Variants in CDK8 observed in about 807,000 individuals in gnomAD.
CDK8 encodes cyclin-dependent kinase 8.
A neutral mutation model predicts 71.5 loss-of-function variants in CDK8; 29 were observed. The observed-to-expected ratio is 0.41, with a 90% CI of 0.30 to 0.55. The LOEUF is 0.55. Ranked by LOEUF, CDK8 falls within the 20% of genes least tolerant of loss-of-function variation. The probability of loss-of-function intolerance (pLI) is 0.37; values close to 1 mark genes in which losing one functional copy is unlikely to be tolerated. For missense variants in CDK8, 288 were observed against 572.6 expected (o/e 0.50, Z 5.07); for synonymous variants, 161 against 192.1 (o/e 0.84, Z 1.34).
rs139059823 is a variant in CDK8, at chr13:26,389,157, T to A, written c.646+3815T>A. Reference sequence around the variant, plus strand: ...CTTTGATCTCTCTAAATTCAAAAGTTCTGTGCTTTTATTTATTTATTTAGA... The same window carrying A: ...CTTTGATCTCTCTAAATTCAAAAGTACTGTGCTTTTATTTATTTATTTAGA... On this transcript the variant is annotated intron_variant, in intron 6 of 12. Transcript: ENST00000381527. Among the ~76,000 whole-genome samples the A allele has an allele frequency of 4.0e-3, 616 of 152,230 alleles. 5 individuals carry two copies. The highest frequency in any genetic ancestry group is 0.014 in the African/African-American group (565 of 41,550).
intron 4 of CDK8, among the ~76,000 whole-genome samples, chr13:26,363,342 G>C (rs375179925): frequency 5.9e-5 from 3 of 50,516 alleles, no homozygotes; most frequent in African/African-American, 2.4e-4. Context: ...AAAAAAAAAA[G>C]AAATTTGGAG....
chr13:26,371,714 C>T (rs896141342), intron 4 of CDK8, among the ~76,000 whole-genome samples: 1 of 152,094 alleles, frequency 6.6e-6, no homozygotes, highest in Non-Finnish European at 1.5e-5. Flanking sequence ...CTCCCGGGTT[C>T]AAGTGATTCT....
intron 1 of CDK8, among the ~76,000 whole-genome samples, chr13:26,278,841 C>T (rs1045714789): frequency 5.3e-5 from 8 of 152,082 alleles, no homozygotes; most frequent in Non-Finnish European, 8.8e-5. Flanking sequence ...TAGTTGTGTC[C>T]GTACTGAACA....
At chr13:26,266,098 G>C (rs1410638584) in intron 1 of CDK8, among the ~76,000 whole-genome samples, 1 of 152,066 alleles carries the variant, frequency 6.6e-6, no homozygotes, top group African/African-American at 2.4e-5. Flanking sequence ...TCTGGCTTGG[G>C]CAGCTGGATA....
intron 4 of CDK8, chr13:26,359,088 C>A: frequency 4.0e-6 from 1 of 249,452 alleles, no homozygotes; most frequent in South Asian, 4.1e-5. Flanking sequence ...AAGGATGAAC[C>A]TTGAGGACAT....
chr13:26,341,622 G>A (rs1873242797), intron 2 of CDK8, among the ~76,000 whole-genome samples: 1 of 152,088 alleles, frequency 6.6e-6, no homozygotes, highest in Non-Finnish European at 1.5e-5. Flanking sequence ...ATGTTAGAAT[G>A]CAATATAGTT....
intron 1 of CDK8, among the ~76,000 whole-genome samples, chr13:26,270,925 C>T (rs57655725): frequency 1.7e-3 from 262 of 152,248 alleles, no homozygotes; most frequent in African/African-American, 5.6e-3. Flanking sequence ...CACCATTTTG[C>T]GTTCCCACCA....
At chr13:26,291,196 T>C (rs1873282646) in intron 1 of CDK8, among the ~76,000 whole-genome samples, 1 of 152,032 alleles carries the variant, frequency 6.6e-6, no homozygotes, top group African/African-American at 2.4e-5. Context: ...AGTAACATGG[T>C]GTACAGGTTT....
intron 2 of CDK8, among the ~76,000 whole-genome samples, chr13:26,339,643 C>T (rs1235210581): frequency 1.4e-5 from 2 of 144,526 alleles, no homozygotes; most frequent in South Asian, 2.2e-4. Flanking sequence ...TGGATCAATT[C>T]GAAGAATAAT....
At chr13:26,288,138 A>G (rs1047087698) in intron 1 of CDK8, among the ~76,000 whole-genome samples, 2 of 151,656 alleles carry the variant, frequency 1.3e-5, no homozygotes, top group East Asian at 1.9e-4. Flanking sequence ...AATTTTTTGT[A>G]TTTTTAGTAG....
At chr13:26,273,523 T>C (rs1872426405) in intron 1 of CDK8, among the ~76,000 whole-genome samples, 1 of 152,100 alleles carries the variant, frequency 6.6e-6, no homozygotes. Context: ...TGGATGAAAG[T>C]CATTTATTTG....
intron 1 of CDK8, among the ~76,000 whole-genome samples, chr13:26,284,322 TAAAC>T (rs1271208831): frequency 4.4e-4 from 66 of 151,630 alleles, no homozygotes; most frequent in Non-Finnish European, 6.9e-4. Flanking sequence ...TTGAAACAGA[TAAAC>T]AAAAACAAAA....
chr13:26,394,968 T>G (rs941116904), intron 7 of CDK8, among the ~76,000 whole-genome samples: 2 of 152,188 alleles, frequency 1.3e-5, no homozygotes, highest in African/African-American at 4.8e-5. Context: ...ATGGAAATGT[T>G]TTATAGGAAG....
At chr13:26,276,873 G>T (rs1191158144) in intron 1 of CDK8, among the ~76,000 whole-genome samples, 1 of 152,144 alleles carries the variant, frequency 6.6e-6, no homozygotes, top group Non-Finnish European at 1.5e-5. Context: ...TAATAAATAT[G>T]CTGACTAAAT....
chr13:26,341,801 A>G lies in CDK8; in HGVS notation c.204+4159A>G, dbSNP rs7986122. On this transcript the variant is annotated intron_variant, in intron 2 of 12. Transcript: ENST00000381527. The stretch of plus-strand genomic sequence containing the variant: ...ATAAATTAAATTTACAGTAAATTAC[A>G]TAGTCAAAACAGTAATCTTAGAACT... Among the ~76,000 whole-genome samples, 692 of 151,986 alleles carry G rather than the reference A, an allele frequency of 4.6e-3. 6 individuals carry two copies. Among genetic ancestry groups the G allele is most frequent in the African/African-American group, 0.016 (643 of 41,444 alleles).
chr13:26,338,889 C>T (rs930275073), intron 2 of CDK8, among the ~76,000 whole-genome samples: 13 of 151,912 alleles, frequency 8.6e-5, no homozygotes, highest in South Asian at 2.1e-4. Flanking sequence ...TCTAGTAACA[C>T]GGGTTATATA....
intron 4 of CDK8, among the ~76,000 whole-genome samples, chr13:26,357,219 G>T (rs1873932510): frequency 6.6e-6 from 1 of 152,106 alleles, no homozygotes; most frequent in South Asian, 2.1e-4. Flanking sequence ...CTGAAATCCG[G>T]CATCCTTGGT....
intron 1 of CDK8, among the ~76,000 whole-genome samples, chr13:26,282,398 A>T (rs1485460802): frequency 6.6e-6 from 1 of 152,212 alleles, no homozygotes; most frequent in Non-Finnish European, 1.5e-5. Context: ...GCCAGAAGGG[A>T]TTTGGATCCT....
intron 1 of CDK8, among the ~76,000 whole-genome samples, chr13:26,325,583 G>A (rs916487265): frequency 1.3e-5 from 2 of 152,124 alleles, no homozygotes; most frequent in African/African-American, 4.8e-5. Context: ...GATTTGGCTT[G>A]GGCTGAATGA....
Sources: allele counts gnomAD v4.1 joint callset (sites outside exome capture counted in the v4.1 genomes callset), GRCh38; gene constraint gnomAD v4.1.1; transcripts MANE v1.5; gene names NCBI Gene and HGNC (gene_info 2026-07-23, HGNC 2026-07-21).